Variants in PALM2AKAP2 observed in about 807,000 individuals in gnomAD.
PALM2AKAP2 encodes the protein PALM2-AKAP2 fusion protein.
A neutral mutation model predicts 71.5 loss-of-function variants in PALM2AKAP2; 37 were observed. The observed-to-expected ratio is 0.52, with a 90% confidence interval of 0.40 to 0.68. The LOEUF is 0.68. PALM2AKAP2 is among the 30% of genes least tolerant of loss of function. The pLI, the probability that PALM2AKAP2 is intolerant of heterozygous loss-of-function variation, is 0.00. For missense variants in PALM2AKAP2, 1,224 were observed against 1,191.8 expected (o/e 1.03, Z -0.40); for synonymous variants, 468 against 478.8 (o/e 0.98, Z 0.29).
At chr9:109,676,298 T>A (rs1219757099) in intron 1 of PALM2AKAP2, among the ~76,000 whole-genome samples, 7 of 152,184 alleles carry the variant, frequency 4.6e-5, no homozygotes, top group African/African-American at 9.7e-5. Context: ...TAGGGAGGAA[T>A]TATTGTTTGT....
At chr9:110,171,428 C>A (rs186576837) in exon 4 of PALM2AKAP2, 1 of 152,188 alleles carries the variant, frequency 6.6e-6, no homozygotes, top group Non-Finnish European at 1.5e-5. Context: ...TGCTGCCTTC[C>A]GGATTACTGC....
intron 1 of PALM2AKAP2, among the ~76,000 whole-genome samples, chr9:109,819,175 G>A (rs929660055): frequency 1.3e-5 from 2 of 152,222 alleles, no homozygotes; most frequent in Non-Finnish European, 2.9e-5. Flanking sequence ...AGCAATATAG[G>A]TGATGGCAAA....
chr9:109,966,661 T>G (rs1445890905), intron 6 of PALM2AKAP2, among the ~76,000 whole-genome samples: 1 of 152,256 alleles, frequency 6.6e-6, no homozygotes, highest in Admixed American at 6.5e-5. Context: ...GTTGGTACGT[T>G]GGTGTCTGTT....
At chr9:110,118,591 A>G (rs1423875404) in intron 1 of PALM2AKAP2, among the ~76,000 whole-genome samples, 1 of 152,150 alleles carries the variant, frequency 6.6e-6, no homozygotes, top group Admixed American at 6.5e-5. Flanking sequence ...CAGGTGCCTA[A>G]TCACCCATCA....
In PALM2AKAP2 at chr9:110,088,703, GTTTTTTTTTTTTTTTTTTT is replaced by G. The variant is rs71373964; in HGVS notation, c.156+39862_156+39880del. On this transcript the variant is annotated intron_variant, in intron 1 of 3. Transcript: ENST00000374525. ...TAGCTATTAAAGTTTGCATTTACGT[GTTTTTTTTTTTTTTTTTTT>G]TTTTTTTTTTTTTCTGAGACAGAGT... Among the ~76,000 whole-genome samples the G allele has an allele frequency of 4.6e-3, 347 of 75,652 alleles. 5 individuals are homozygous for G. Among genetic ancestry groups the G allele is most frequent in the Middle Eastern group, 0.033 (5 of 152 alleles). The allele number at this position is 75,652 out of a possible 152,430, so 49.6% of individuals were successfully genotyped here.
At chr9:110,049,937 AG>A (rs1376642184) in intron 1 of PALM2AKAP2, among the ~76,000 whole-genome samples, 1 of 152,152 alleles carries the variant, frequency 6.6e-6, no homozygotes, top group Non-Finnish European at 1.5e-5. Flanking sequence ...ACCCACAAAG[AG>A]GGCGTCTGGG....
chr9:109,926,670 G>A (rs2131971339), intron 5 of PALM2AKAP2, among the ~76,000 whole-genome samples: 1 of 152,304 alleles, frequency 6.6e-6, no homozygotes, highest in Non-Finnish European at 1.5e-5. Context: ...AAGAGTGCAT[G>A]TCGGCCTTTT....
At chr9:110,116,375 CGTGTGTGTGTGT>C (rs983386918) in intron 1 of PALM2AKAP2, among the ~76,000 whole-genome samples, 1 of 150,944 alleles carries the variant, frequency 6.6e-6, no homozygotes, top group African/African-American at 2.4e-5. Context: ...TGTGTGTGTG[CGTGTGTGTGTGT>C]GCGCATGTGT....
At chr9:110,056,930 G>C (rs1833853555) in intron 1 of PALM2AKAP2, among the ~76,000 whole-genome samples, 1 of 152,212 alleles carries the variant, frequency 6.6e-6, no homozygotes, top group Admixed American at 6.5e-5. Context: ...GAGTGGCGTA[G>C]AGGGTGTTGA....
At chr9:109,951,579 A>G (rs565734839) in intron 6 of PALM2AKAP2, among the ~76,000 whole-genome samples, 1 of 152,282 alleles carries the variant, frequency 6.6e-6, no homozygotes, top group South Asian at 2.1e-4. Context: ...ACTAAAACTA[A>G]ACACTAACCC....
chr9:109,888,188 A>G (rs1830009164), intron 3 of PALM2AKAP2, among the ~76,000 whole-genome samples: 1 of 152,240 alleles, frequency 6.6e-6, no homozygotes, highest in African/African-American at 2.4e-5. Context: ...GGGCTCCAGC[A>G]TAGCAAACTC....
intron 7 of PALM2AKAP2, among the ~76,000 whole-genome samples, chr9:110,033,392 C>A (rs1395525743): frequency 6.6e-6 from 1 of 152,222 alleles, no homozygotes; most frequent in East Asian, 1.9e-4. Flanking sequence ...TTCCTACTTT[C>A]TTTTCCTCTC....
At chr9:109,700,018 C>T (rs1324762965) in intron 1 of PALM2AKAP2, among the ~76,000 whole-genome samples, 2 of 152,178 alleles carry the variant, frequency 1.3e-5, no homozygotes, top group Non-Finnish European at 2.9e-5. Context: ...TCGTAATCTG[C>T]CCACCTCAGC....
At chr9:109,867,508 G>T (rs372659479) in exon 2 of PALM2AKAP2, 2 of 1,612,628 alleles carry the variant, frequency 1.2e-6, no homozygotes, top group African/African-American at 1.3e-5. Flanking sequence ...GAAAGAGGCA[G>T]ACTGAAATAG....
At chr9:110,048,663 G>A, upstream of PALM2AKAP2, 1 of 1,485,236 alleles carries the variant, frequency 6.7e-7, no homozygotes, top group African/African-American at 1.5e-5. Context: ...GGGGCTCCCC[G>A]CCCTCCAGCG....
At chr9:109,689,829 A>T (rs538882458) in intron 1 of PALM2AKAP2, among the ~76,000 whole-genome samples, 2 of 152,256 alleles carry the variant, frequency 1.3e-5, no homozygotes, top group East Asian at 3.9e-4. Flanking sequence ...GTTCTCTATG[A>T]TCTGGCCAAC....
chr9:110,091,901 T>A (rs1834724727), intron 1 of PALM2AKAP2, among the ~76,000 whole-genome samples: 1 of 152,236 alleles, frequency 6.6e-6, no homozygotes, highest in South Asian at 2.1e-4. Context: ...CCCCTAAATA[T>A]ATTTTGCTTC....
In PALM2AKAP2 at chr9:110,095,386, A is replaced by G. The variant is rs116132928; in HGVS notation, c.157-40741A>G. Among the ~76,000 whole-genome samples, 434 of 152,292 alleles carry G rather than the reference A, an allele frequency of 2.8e-3. 3 individuals are homozygous for G. The highest frequency in any genetic ancestry group is 0.01 in the African/African-American group (417 of 41,578). ...GGACACCGCAGCCTTGCTTTGCACA[A>G]TCTTGCTAGCTTTGTGAGTTTCACT... On this transcript the variant is annotated intron_variant, in intron 1 of 3. Transcript: ENST00000374525.
At chr9:109,879,369 T>C (rs767942499) in intron 2 of PALM2AKAP2, among the ~76,000 whole-genome samples, 1 of 152,228 alleles carries the variant, frequency 6.6e-6, no homozygotes, top group Non-Finnish European at 1.5e-5. Context: ...GAATTGTTCA[T>C]GTGCCCTGCA....
Sources: allele counts gnomAD v4.1 joint callset (sites outside exome capture counted in the v4.1 genomes callset), GRCh38; gene constraint gnomAD v4.1.1; transcripts MANE v1.5; gene names NCBI Gene and HGNC (gene_info 2026-07-23, HGNC 2026-07-21).